Variants in PABPC4L observed in about 807,000 individuals in gnomAD.
PABPC4L encodes the protein polyadenylate-binding protein 4-like.
For synonymous variants in PABPC4L, 169 were observed against 164.1 expected (o/e 1.03, Z -0.23); for missense variants, 452 against 451.4 (o/e 1.00, Z -0.01).
At chr4:134,009,819 G>A in the PABPC4L span, among the ~76,000 whole-genome samples, 2 of 152,008 alleles carry the variant, frequency 1.3e-5, no homozygotes, top group African/African-American at 2.4e-5. Context: ...GGACAGTGGT[G>A]AACATAAATG....
the PABPC4L span, among the ~76,000 whole-genome samples, chr4:134,175,413 A>G: frequency 6.6e-6 from 1 of 151,596 alleles, no homozygotes; most frequent in South Asian, 2.1e-4. Context: ...AATTTAATTT[A>G]ATTTATTTTT....
chr4:134,000,813 G>T, the PABPC4L span, among the ~76,000 whole-genome samples: 74 of 152,082 alleles, frequency 4.9e-4, no homozygotes, highest in Non-Finnish European at 9.9e-4. Context: ...CAATGCTCTT[G>T]GTTCTCAGGC....
At chr4:134,088,463 T>C in the PABPC4L span, among the ~76,000 whole-genome samples, 3 of 152,248 alleles carry the variant, frequency 2.0e-5, no homozygotes, top group East Asian at 5.8e-4. Context: ...TTTGTTCTCT[T>C]AATATCATTG....
the PABPC4L span, among the ~76,000 whole-genome samples, chr4:134,123,844 G>A: frequency 2.6e-5 from 4 of 151,844 alleles, no homozygotes; most frequent in African/African-American, 9.7e-5. Context: ...GTCAAAACAG[G>A]TGTAAATGAT....
the PABPC4L span, among the ~76,000 whole-genome samples, chr4:134,114,586 T>TG: frequency 1.3e-5 from 2 of 151,778 alleles, no homozygotes; most frequent in African/African-American, 2.4e-5. Flanking sequence ...GTAACTGCCC[T>TG]GGGTGTGCCT....
the PABPC4L span, among the ~76,000 whole-genome samples, chr4:134,086,260 C>T: frequency 6.6e-6 from 1 of 151,592 alleles, no homozygotes; most frequent in African/African-American, 2.4e-5. Flanking sequence ...TCTATCTACT[C>T]CTTATTTATT....
At chr4:134,143,136 T>A in the PABPC4L span, among the ~76,000 whole-genome samples, 1 of 151,354 alleles carries the variant, frequency 6.6e-6, no homozygotes, top group Non-Finnish European at 1.5e-5. Flanking sequence ...CCTCAAAATA[T>A]ATATTATAAA....
chr4:134,147,370 C>T, the PABPC4L span, among the ~76,000 whole-genome samples: 1 of 152,024 alleles, frequency 6.6e-6, no homozygotes, highest in Non-Finnish European at 1.5e-5. Context: ...ACAAATCCTG[C>T]ATGATGTTTA....
At chr4:134,121,481 A>G in the PABPC4L span, among the ~76,000 whole-genome samples, 1 of 151,684 alleles carries the variant, frequency 6.6e-6, no homozygotes, top group African/African-American at 2.4e-5. Flanking sequence ...TGATCCAAAC[A>G]GATTGAGATG....
At chr4:133,954,659 G>A in the PABPC4L span, among the ~76,000 whole-genome samples, 1 of 151,842 alleles carries the variant, frequency 6.6e-6, no homozygotes, top group Non-Finnish European at 1.5e-5. Context: ...TTTTTGGTTA[G>A]TCTCTGTGTT....
the PABPC4L span, among the ~76,000 whole-genome samples, chr4:134,087,992 G>A: frequency 3.3e-5 from 5 of 152,068 alleles, no homozygotes; most frequent in Admixed American, 6.6e-5. Context: ...CTGAGGAAGT[G>A]TATAAAGCCT....
Position 134,199,779 on chromosome 4 carries a change from T to C in PABPC4L, c.*128A>G. The C allele has an allele frequency of 8.0e-7, 1 of 1,242,884 alleles. No individual in the cohort carries two copies. Among genetic ancestry groups the C allele is most frequent in the Non-Finnish European group, 1.1e-6 (1 of 926,150 alleles). 77.0% of individuals were successfully genotyped at this position (1,242,884 alleles called of 1,614,324 possible). ...ATGGCTTTGTATAAAAAACGTTTTATCATAAAGTTTACTAAACTAAGCACC... is the reference window on the plus strand; with the variant it reads ...ATGGCTTTGTATAAAAAACGTTTTACCATAAAGTTTACTAAACTAAGCACC... On this transcript the variant is annotated 3_prime_UTR_variant, in exon 2 of 2. Coordinates refer to ENST00000421491, the MANE Select transcript of PABPC4L (RefSeq NM_001114734.2).
the PABPC4L span, among the ~76,000 whole-genome samples, chr4:134,059,435 T>C: frequency 6.7e-6 from 1 of 150,368 alleles, no homozygotes; most frequent in African/African-American, 2.4e-5. Flanking sequence ...TGTGTATATA[T>C]GTATATATAC....
the PABPC4L span, among the ~76,000 whole-genome samples, chr4:134,031,536 G>A: frequency 6.6e-6 from 1 of 151,820 alleles, no homozygotes; most frequent in South Asian, 2.1e-4. Context: ...TTTCTATGGT[G>A]TTCTTCTCTA....
chr4:134,048,281 A>G, the PABPC4L span, among the ~76,000 whole-genome samples: 1 of 152,170 alleles, frequency 6.6e-6, no homozygotes, highest in African/African-American at 2.4e-5. Context: ...GTTTAAGAAT[A>G]GCCCAGATAT....
chr4:134,058,278 G>A, the PABPC4L span, among the ~76,000 whole-genome samples: 1 of 151,854 alleles, frequency 6.6e-6, no homozygotes, highest in East Asian at 1.9e-4. Context: ...TAGATTTGTT[G>A]TTTTTCCAAA....
chr4:134,118,742 T>A, the PABPC4L span, among the ~76,000 whole-genome samples: 1 of 151,780 alleles, frequency 6.6e-6, no homozygotes, highest in Non-Finnish European at 1.5e-5. Context: ...ACCTTCCATT[T>A]CAAAAGTATA....
At chr4:133,962,939 C>T in the PABPC4L span, among the ~76,000 whole-genome samples, 20 of 151,674 alleles carry the variant, frequency 1.3e-4, no homozygotes, top group Admixed American at 3.9e-4. Context: ...AAACAAAAAA[C>T]CAAGATATAC....
At chr4:134,104,188 C>G in the PABPC4L span, among the ~76,000 whole-genome samples, 1 of 151,722 alleles carries the variant, frequency 6.6e-6, no homozygotes, top group East Asian at 1.9e-4. Flanking sequence ...CTCTAGGCAG[C>G]CTCAAACTTC....
Sources: allele counts gnomAD v4.1 joint callset (sites outside exome capture counted in the v4.1 genomes callset), GRCh38; gene constraint gnomAD v4.1.1; transcripts MANE v1.5; gene names NCBI Gene and HGNC (gene_info 2026-07-23, HGNC 2026-07-21).